Variants in DYNLT2B observed in about 807,000 individuals in gnomAD.
DYNLT2B encodes dynein light chain Tctex-type 2B.
Under a neutral mutation model 19.5 loss-of-function variants are expected in DYNLT2B, and 14 were observed. That is an observed-to-expected ratio of 0.72 (90% confidence interval 0.47 to 1.12). DYNLT2B has a LOEUF of 1.12. DYNLT2B is among the 50% of genes most tolerant of loss of function. DYNLT2B has a pLI of 0.00. For synonymous variants in DYNLT2B, 70 were observed against 59.7 expected (o/e 1.17, Z -0.79); for missense variants, 133 against 174.7 (o/e 0.76, Z 1.35).
Position 196,297,414 on chromosome 3 carries a change from A to T in DYNLT2B, c.318-1345T>A, listed in dbSNP as rs192173983. Among the ~76,000 whole-genome samples, 12 of 152,066 alleles carry T rather than the reference A, an allele frequency of 7.9e-5. No individual in the cohort carries two copies. The East Asian group carries it at 1.9e-3, about 25-fold the overall frequency. On this transcript the variant is annotated intron_variant, in intron 3 of 4. Transcript: ENST00000325318. ...GTGGCACACGCCTGTAATCCCAGCT[A>T]CTCGGGAGGCTGAGGCAGGAGAATC...
At chr3:196,306,611 C>T (rs993242652) in intron 3 of DYNLT2B, among the ~76,000 whole-genome samples, 13 of 152,066 alleles carry the variant, frequency 8.5e-5, no homozygotes, top group Non-Finnish European at 1.9e-4. Flanking sequence ...TGCAATGACA[C>T]GATCTTGGCT....
intron 2 of DYNLT2B, among the ~76,000 whole-genome samples, chr3:196,311,765 C>T (rs1726651205): frequency 6.6e-6 from 1 of 152,020 alleles, no homozygotes; most frequent in Non-Finnish European, 1.5e-5. Context: ...CTCACTGCAA[C>T]CTCCTTCACC....
intron 2 of DYNLT2B, among the ~76,000 whole-genome samples, chr3:196,308,305 C>T (rs182753346): frequency 1.3e-5 from 2 of 151,918 alleles, no homozygotes; most frequent in Non-Finnish European, 2.9e-5. Context: ...ACCAGGTCAG[C>T]CCCATCTCCC....
chr3:196,303,482 A>T (rs76143756), intron 3 of DYNLT2B, among the ~76,000 whole-genome samples: 1 of 152,218 alleles, frequency 6.6e-6, no homozygotes, highest in South Asian at 2.1e-4. Context: ...CAAAGTTCAT[A>T]TGAACAGTAA....
rs538613478 is a variant in DYNLT2B, at chr3:196,318,166, G to A, written c.-14C>T. The A allele has an allele frequency of 1.8e-5, 26 of 1,468,210 alleles. No individual in the cohort carries two copies. In the South Asian group the frequency reaches 2.3e-4, roughly 13 times the overall value. The allele number at this position is 1,468,210 out of a possible 1,614,324, so 90.9% of individuals were successfully genotyped here. A position where few individuals can be genotyped will look rare whatever the true frequency, so the allele number is the denominator to read the frequency against. On this transcript the variant is annotated 5_prime_UTR_variant, in exon 1 of 5. Transcript: ENST00000325318. ...GGACGTGGCCATGCCGGGGCTTCTC[G>A]GTCCGGGCGTAGCTCGCGATGAAGG... is the stretch of plus-strand genomic sequence containing the variant.
intron 2 of DYNLT2B, chr3:196,315,319 G>A (rs1240535968): frequency 1.6e-5 from 6 of 384,268 alleles, no homozygotes; most frequent in Non-Finnish European, 3.0e-5. Context: ...CTGGAGTGCA[G>A]TGACGCGATC....
At chr3:196,295,915 C>T (rs1375216291) in intron 4 of DYNLT2B, 91 bp downstream of exon 4, 11 of 1,021,972 alleles carry the variant, frequency 1.1e-5, no homozygotes, top group Non-Finnish European at 1.7e-5. Flanking sequence ...ACTAAGACAG[C>T]AGTGTCTTTC....
intron 3 of DYNLT2B, among the ~76,000 whole-genome samples, chr3:196,303,033 A>C (rs185620625): frequency 9.3e-4 from 141 of 152,026 alleles, no homozygotes; most frequent in African/African-American, 3.1e-3. Flanking sequence ...CCCTCCCTAC[A>C]CTGCTCCTAA....
chr3:196,315,130 CAAA>C (rs766113349), intron 2 of DYNLT2B: 6 of 373,556 alleles, frequency 1.6e-5, no homozygotes, highest in Middle Eastern at 3.7e-4. Context: ...CCCCCATCTG[CAAA>C]AACTTACATG....
intron 2 of DYNLT2B, among the ~76,000 whole-genome samples, chr3:196,314,584 G>A (rs1284392746): frequency 6.6e-6 from 1 of 152,084 alleles, no homozygotes; most frequent in African/African-American, 2.4e-5. Context: ...AGGCCTAGGT[G>A]GGAGAATCAC....
In DYNLT2B at chr3:196,291,816, A is replaced by G. The variant is rs1187232405; in HGVS notation, c.382-442T>C. Among the ~76,000 whole-genome samples, 4 of 152,342 alleles carry G rather than the reference A, an allele frequency of 2.6e-5. No individual in the cohort carries two copies. In the East Asian group the frequency reaches 7.7e-4, roughly 29 times the overall value. ...ATCAGGAAGACTTTTTCCTTCTTCAAGAAGTGAAGGGTTTCCAGAGTATAG... is the reference window on the plus strand; with the variant it reads ...ATCAGGAAGACTTTTTCCTTCTTCAGGAAGTGAAGGGTTTCCAGAGTATAG... On this transcript the variant is annotated intron_variant, in intron 4 of 4. Coordinates refer to ENST00000325318, the MANE Select transcript of DYNLT2B (RefSeq NM_152773.5).
intron 1 of DYNLT2B, among the ~76,000 whole-genome samples, chr3:196,316,920 TG>T (rs1726827130): frequency 7.2e-6 from 1 of 139,034 alleles, no homozygotes; most frequent in African/African-American, 2.8e-5. Flanking sequence ...GTGTGGTGTG[TG>T]TGTGTGTTGT....
At chr3:196,297,133 T>C (rs923905213) in intron 3 of DYNLT2B, among the ~76,000 whole-genome samples, 2 of 128,922 alleles carry the variant, frequency 1.6e-5, no homozygotes, top group Non-Finnish European at 3.2e-5. Context: ...TGACCTGAGA[T>C]AGCACCACTG....
At chr3:196,300,400 G>C (rs747390603) in intron 3 of DYNLT2B, among the ~76,000 whole-genome samples, 1 of 152,022 alleles carries the variant, frequency 6.6e-6, no homozygotes, top group Non-Finnish European at 1.5e-5. Context: ...ATGAACATTC[G>C]AGGTTCTTGG....
At chr3:196,308,082 GAAAAAAAAA>G (rs201886079) in intron 2 of DYNLT2B, among the ~76,000 whole-genome samples, 1 of 109,010 alleles carries the variant, frequency 9.2e-6, no homozygotes, top group Admixed American at 9.6e-5. Context: ...ACTCCATCTC[GAAAAAAAAA>G]AAAAAAAAGA....
At chr3:196,316,460 T>C (rs2108798767) in intron 1 of DYNLT2B, among the ~76,000 whole-genome samples, 1 of 152,256 alleles carries the variant, frequency 6.6e-6, no homozygotes, top group Admixed American at 6.5e-5. Context: ...CATATGAATG[T>C]TTATTAGGCA....
intron 3 of DYNLT2B, among the ~76,000 whole-genome samples, chr3:196,302,070 G>T (rs1200059421): frequency 6.6e-6 from 1 of 152,098 alleles, no homozygotes; most frequent in Non-Finnish European, 1.5e-5. Flanking sequence ...TCACACCACT[G>T]CACTCCAGCC....
chr3:196,316,286 C>A, intron 1 of DYNLT2B, 55 bp from the exon 2 acceptor site: 1 of 1,533,104 alleles, frequency 6.5e-7, no homozygotes, highest in Non-Finnish European at 8.8e-7. Flanking sequence ...CCCAGCTTAC[C>A]TTCATACCGC....
At chr3:196,315,022 A>C (rs1348846796) in intron 2 of DYNLT2B, among the ~76,000 whole-genome samples, 1 of 152,048 alleles carries the variant, frequency 6.6e-6, no homozygotes, top group Non-Finnish European at 1.5e-5. Flanking sequence ...GGGAAGAAAC[A>C]ACCAAGAAAT....
Sources: allele counts gnomAD v4.1 joint callset (sites outside exome capture counted in the v4.1 genomes callset), GRCh38; gene constraint gnomAD v4.1.1; transcripts MANE v1.5; gene names NCBI Gene and HGNC (gene_info 2026-07-23, HGNC 2026-07-21).